The following CSRNP3 variants were observed in gnomAD, a reference collection of about 807,000 sequenced individuals.
CSRNP3 encodes cysteine/serine-rich nuclear protein 3.
A neutral mutation model predicts 48.0 loss-of-function variants in CSRNP3; 12 were observed. That is an observed-to-expected ratio of 0.25 (90% CI 0.16 to 0.41). The LOEUF is 0.41. Ranked by LOEUF, CSRNP3 falls within the 10% of genes least tolerant of loss-of-function variation. CSRNP3 has a pLI of 1.00. For synonymous variants in CSRNP3, 263 were observed against 269.7 expected (o/e 0.98, Z 0.24); for missense variants, 580 against 724.4 (o/e 0.80, Z 2.29).
chr2:165,607,388 A>G (rs1186177638), intron 4 of CSRNP3, among the ~76,000 whole-genome samples: 1 of 152,188 alleles, frequency 6.6e-6, no homozygotes. Context: ...GTTCACAGTG[A>G]TAACCAAGTG....
chr2:165,503,992 C>G (rs901576924), intron 2 of CSRNP3, among the ~76,000 whole-genome samples: 6 of 151,762 alleles, frequency 4.0e-5, no homozygotes, highest in Admixed American at 6.6e-5. Context: ...GCAAGGTAAT[C>G]CTATTTTGAC....
chr2:165,555,824 A>G (rs1176938434), intron 3 of CSRNP3, among the ~76,000 whole-genome samples: 4 of 152,186 alleles, frequency 2.6e-5, no homozygotes, highest in Non-Finnish European at 5.9e-5. Flanking sequence ...CAATTTCATG[A>G]AGGCATGAGG....
chr2:165,642,085 T>A (rs1686730176), intron 4 of CSRNP3, among the ~76,000 whole-genome samples: 1 of 144,078 alleles, frequency 6.9e-6, no homozygotes, highest in African/African-American at 2.6e-5. Flanking sequence ...CAGTAGTACC[T>A]GAGAATACAC....
At chr2:165,533,519 T>G (rs1197709653) in intron 3 of CSRNP3, among the ~76,000 whole-genome samples, 1 of 152,054 alleles carries the variant, frequency 6.6e-6, no homozygotes, top group Non-Finnish European at 1.5e-5. Flanking sequence ...GCTCACATTG[T>G]GTGCCCTGTG....
intron 3 of CSRNP3, among the ~76,000 whole-genome samples, chr2:165,581,921 A>T (rs904788751): frequency 6.6e-6 from 1 of 152,236 alleles, no homozygotes. Context: ...TAGCTGGTCC[A>T]GGATTCAGAC....
At chr2:165,627,328 T>C (rs1004226493) in intron 4 of CSRNP3, among the ~76,000 whole-genome samples, 1 of 152,168 alleles carries the variant, frequency 6.6e-6, no homozygotes, top group South Asian at 2.1e-4. Flanking sequence ...TAGCTTGTTT[T>C]TCTTTGCCTT....
In CSRNP3 at chr2:165,594,630, G is replaced by A. The variant is rs555011807; in HGVS notation, c.-23-413G>A. Among the ~76,000 whole-genome samples the A allele has an allele frequency of 1.2e-3, 180 of 152,290 alleles. 1 individual carries two copies. The highest frequency in any genetic ancestry group is 1.7e-3 in the Non-Finnish European group (115 of 68,028). Reference sequence around the variant, plus strand: ...AGCTAATTGGGTTTCTTGAATTTTAGAACTTGAGTACAAAGGTCGTGCATA... The same window carrying A: ...AGCTAATTGGGTTTCTTGAATTTTAAAACTTGAGTACAAAGGTCGTGCATA... On this transcript the variant is annotated intron_variant, in intron 3 of 6. Transcript: ENST00000651982.
intron 3 of CSRNP3, 56 bp from the exon 4 acceptor site, chr2:165,594,987 C>A: frequency 1.3e-6 from 2 of 1,534,274 alleles, no homozygotes; most frequent in Non-Finnish European, 1.8e-6. Flanking sequence ...GAGACCTTGG[C>A]TACACGTTCA....
chr2:165,551,532 C>G (rs1422503926), intron 3 of CSRNP3, among the ~76,000 whole-genome samples: 2 of 152,156 alleles, frequency 1.3e-5, no homozygotes, highest in African/African-American at 4.8e-5. Context: ...TATCCAGTAA[C>G]AGCAGCAGTC....
At chr2:165,529,232 T>C (rs1248854082) in intron 3 of CSRNP3, among the ~76,000 whole-genome samples, 2 of 152,148 alleles carry the variant, frequency 1.3e-5, no homozygotes, top group African/African-American at 4.8e-5. Context: ...GGACATGAGA[T>C]TTGGGAGGGG....
At position 165,687,279 on chromosome 2, in the gene CSRNP3, T is replaced by C. The variant is rs1687644994; in HGVS notation, c.*7526T>C. The C allele has an allele frequency of 6.6e-6, 1 of 152,142 alleles. No homozygotes were observed. The highest frequency in any genetic ancestry group is 2.1e-4 in the South Asian group (1 of 4,836). 9.4% of individuals were successfully genotyped at this position (152,142 alleles called of 1,614,324 possible). A position where few individuals can be genotyped will look rare whatever the true frequency, so the allele number is the denominator to read the frequency against. On this transcript the variant is annotated 3_prime_UTR_variant, in exon 7 of 7. Transcript: ENST00000651982. ...GACAATGGTCTGTAACATGACCAAC[T>C]TTTGACAAATATGGCTGTACTAGGT...
In CSRNP3 at chr2:165,558,768, T is replaced by C. The variant is rs535128379; in HGVS notation, c.-23-36275T>C. Among the ~76,000 whole-genome samples the C allele has an allele frequency of 1.0e-3, 152 of 152,304 alleles. 1 individual carries two copies. Among genetic ancestry groups the C allele is most frequent in the Non-Finnish European group, 1.9e-3 (130 of 68,012 alleles). On this transcript the variant is annotated intron_variant, in intron 3 of 6. Transcript: ENST00000651982. The stretch of plus-strand genomic sequence containing the variant: ...ATTTTACGTATTACTCAATTTATAG[T>C]GAATGGGAAAATTAATTTTGCCAGC...
intron 3 of CSRNP3, among the ~76,000 whole-genome samples, chr2:165,570,340 G>C (rs1430522733): frequency 6.6e-6 from 1 of 151,910 alleles, no homozygotes; most frequent in Non-Finnish European, 1.5e-5. Flanking sequence ...TCCCATTGGA[G>C]ACTCACAATT....
At chr2:165,490,263 G>A (rs1684185006) in intron 1 of CSRNP3, among the ~76,000 whole-genome samples, 1 of 150,550 alleles carries the variant, frequency 6.6e-6, no homozygotes. Flanking sequence ...ACCTCTTCAA[G>A]GAGAACTACA....
chr2:165,673,890 AG>A, intron 5 of CSRNP3, among the ~76,000 whole-genome samples: 1 of 152,006 alleles, frequency 6.6e-6, no homozygotes, highest in Non-Finnish European at 1.5e-5. Flanking sequence ...GCATGGTGGC[AG>A]GCGCCTGTAA....
chr2:165,604,439 C>A (rs1685976172), intron 4 of CSRNP3, among the ~76,000 whole-genome samples: 1 of 152,126 alleles, frequency 6.6e-6, no homozygotes. Flanking sequence ...CACAATGGTA[C>A]AAACATTAGT....
rs747175453 is a variant in CSRNP3, at chr2:165,547,598, C to T, written c.-24+29637C>T. ...CTTTTTTTTTTATTAAGTACCTGCA[C>T]AGAATGCAAAATGTGCCCAATTTCT... On this transcript the variant is annotated intron_variant, in intron 3 of 6. Transcript: ENST00000651982. 5.3e-5 allele frequency among the ~76,000 whole-genome samples: 8 copies of T among 151,804 alleles called. No individual in the cohort carries two copies. The South Asian group carries it at 1.7e-3, about 32-fold the overall frequency.
At chr2:165,658,330 T>C (rs1026408199) in intron 5 of CSRNP3, among the ~76,000 whole-genome samples, 1 of 152,118 alleles carries the variant, frequency 6.6e-6, no homozygotes, top group Non-Finnish European at 1.5e-5. Context: ...TAGGAACTTA[T>C]AGAATAGTAG....
chr2:165,474,453 A>T (rs962771413), intron 1 of CSRNP3, among the ~76,000 whole-genome samples: 1 of 152,154 alleles, frequency 6.6e-6, no homozygotes, highest in African/African-American at 2.4e-5. Flanking sequence ...AATATTTACT[A>T]TAAATTCCTT....
Sources: gnomAD v4.1 joint callset for allele counts (sites outside exome capture counted in the v4.1 genomes callset) on GRCh38, gnomAD v4.1.1 for gene constraint, MANE v1.5 for transcripts, NCBI Gene and HGNC (gene_info 2026-07-23, HGNC 2026-07-21) for gene names.